DLGAP1: variants seen among roughly 807,000 people sequenced by gnomAD.
DLGAP1 encodes the protein DLG associated protein 1.
A neutral mutation model predicts 90.8 loss-of-function variants in DLGAP1; 11 were observed. That is an observed-to-expected ratio of 0.12 (90% CI 0.08 to 0.20). DLGAP1 has a LOEUF of 0.20. Ranked by LOEUF, DLGAP1 falls within the 10% of genes least tolerant of loss-of-function variation. DLGAP1 has a pLI of 1.00. For synonymous variants in DLGAP1, 558 were observed against 540.7 expected, an observed-to-expected ratio of 1.03 and a Z score of -0.44; for missense variants, 1,050 against 1,333.8, an observed-to-expected ratio of 0.79 and a Z score of 3.31.
intron 2 of DLGAP1, among the ~76,000 whole-genome samples, chr18:4,052,312 C>A (rs1361060509): frequency 6.6e-6 from 1 of 152,194 alleles, no homozygotes; most frequent in African/African-American, 2.4e-5. Context: ...CCAGGCATTT[C>A]CATATGTCCT....
intron 2 of DLGAP1, among the ~76,000 whole-genome samples, chr18:4,099,539 TA>T (rs1009135741): frequency 6.6e-6 from 1 of 152,170 alleles, no homozygotes; most frequent in Non-Finnish European, 1.5e-5. Context: ...GAACCTTAAT[TA>T]AAAATACTTT....
At chr18:4,156,921 G>T (rs552393598) in intron 1 of DLGAP1, among the ~76,000 whole-genome samples, 27 of 152,268 alleles carry the variant, frequency 1.8e-4, no homozygotes, top group African/African-American at 6.3e-4. Context: ...TTTCTGAAAG[G>T]CATGGATGGC....
intron 1 of DLGAP1, chr18:4,293,676 C>T (rs1379894202): frequency 6.6e-6 from 1 of 152,012 alleles, no homozygotes; most frequent in Non-Finnish European, 1.5e-5. Flanking sequence ...ATCTTTATGA[C>T]AAAAAACTTT....
chr18:3,696,712 A>C (rs184871624), intron 7 of DLGAP1, among the ~76,000 whole-genome samples: 113 of 152,266 alleles, frequency 7.4e-4, no homozygotes, highest in South Asian at 1.2e-3. Context: ...CTGGCCTCAT[A>C]AAGTGAGTTA....
chr18:4,106,770 T>C (rs1388907159), intron 2 of DLGAP1, among the ~76,000 whole-genome samples: 1 of 152,204 alleles, frequency 6.6e-6, no homozygotes, highest in Non-Finnish European at 1.5e-5. Context: ...AAGCTTTTAA[T>C]ATCAGAATAA....
chr18:3,517,231 C>G lies in DLGAP1; in HGVS notation c.2480-8570G>C, dbSNP rs1016753238. Among the ~76,000 whole-genome samples, 8 of 152,132 alleles carry G rather than the reference C, an allele frequency of 5.3e-5. No individual in the cohort carries two copies. The highest frequency in any genetic ancestry group is 1.4e-4 in the African/African-American group (6 of 41,438). On this transcript the variant is annotated intron_variant, in intron 10 of 12. Coordinates refer to ENST00000315677, the MANE Select transcript of DLGAP1 (RefSeq NM_004746.4). The surrounding 1 kb of genome is among the most constrained non-coding windows in gnomAD (Gnocchi z 4.1). ...CTTCAAGTCACCAGGTGCCTGAGCC[C>G]CTAACAAGAGAGTGAGCCTGTCCTT...
At chr18:3,912,987 T>A (rs1423674152) in intron 3 of DLGAP1, among the ~76,000 whole-genome samples, 3 of 152,164 alleles carry the variant, frequency 2.0e-5, no homozygotes, top group Non-Finnish European at 4.4e-5. Flanking sequence ...TGAAAAAATG[T>A]TTTCCACAGC....
chr18:4,166,947 T>C (rs2076943341), intron 1 of DLGAP1, among the ~76,000 whole-genome samples: 2 of 152,194 alleles, frequency 1.3e-5, no homozygotes, highest in Non-Finnish European at 2.9e-5. Flanking sequence ...TATCTGAAGA[T>C]AGATAATGTT....
intron 1 of DLGAP1, among the ~76,000 whole-genome samples, chr18:4,261,199 T>G (rs1290046644): frequency 6.6e-6 from 1 of 152,168 alleles, no homozygotes; most frequent in African/African-American, 2.4e-5. Flanking sequence ...AGGGAATAGC[T>G]GCTGTGCCTG....
chr18:4,338,872 GC>G (rs1465769288), intron 1 of DLGAP1, among the ~76,000 whole-genome samples: 2 of 152,026 alleles, frequency 1.3e-5, no homozygotes, highest in African/African-American at 4.8e-5. Context: ...AATGTAAATG[GC>G]CTATTATTAT....
intron 5 of DLGAP1, among the ~76,000 whole-genome samples, chr18:3,747,573 G>C (rs1204223712): frequency 6.6e-6 from 1 of 152,130 alleles, no homozygotes; most frequent in Non-Finnish European, 1.5e-5. Flanking sequence ...ATGTTATCAG[G>C]GCAGTGACGG....
intron 8 of DLGAP1, among the ~76,000 whole-genome samples, chr18:3,568,968 G>A (rs545844608): frequency 6.6e-6 from 1 of 150,824 alleles, no homozygotes; most frequent in East Asian, 2.0e-4. Flanking sequence ...TTACAGCCAT[G>A]AGCCACCACG....
intron 2 of DLGAP1, among the ~76,000 whole-genome samples, chr18:4,053,452 T>C (rs2143126773): frequency 6.6e-6 from 1 of 152,290 alleles, no homozygotes; most frequent in East Asian, 1.9e-4. Flanking sequence ...GTCCCTCCCA[T>C]GACATGTGAA....
chr18:4,077,720 T>A (rs989475042), intron 2 of DLGAP1, among the ~76,000 whole-genome samples: 1 of 152,154 alleles, frequency 6.6e-6, no homozygotes, highest in African/African-American at 2.4e-5. Context: ...ATTAGAATTA[T>A]GGGTAAAATA....
At chr18:4,138,841 T>C (rs188510143) in intron 2 of DLGAP1, among the ~76,000 whole-genome samples, 1,526 of 152,152 alleles carry the variant, frequency 0.01, 13 homozygotes, top group Non-Finnish European at 0.017. Context: ...GTTCAGGTTT[T>C]GAAATTCTTC....
intron 3 of DLGAP1, among the ~76,000 whole-genome samples, chr18:3,974,114 C>T (rs1332653774): frequency 6.6e-6 from 1 of 151,766 alleles, no homozygotes; most frequent in African/African-American, 2.4e-5. Context: ...CTCACTCCCT[C>T]GCCAGGCTGG....
chr18:4,291,432 C>G (rs531724095), intron 1 of DLGAP1, among the ~76,000 whole-genome samples: 3 of 152,230 alleles, frequency 2.0e-5, no homozygotes, highest in Admixed American at 6.5e-5. Context: ...GTTTATAGAA[C>G]TTTCCACAAC....
chr18:4,166,606 T>C (rs1167939045), intron 1 of DLGAP1, among the ~76,000 whole-genome samples: 1 of 152,318 alleles, frequency 6.6e-6, no homozygotes, highest in Admixed American at 6.5e-5. Context: ...TATACTACTG[T>C]TCACAGCAGC....
chr18:3,825,719 C>T (rs577437817), intron 4 of DLGAP1, among the ~76,000 whole-genome samples: 1 of 152,250 alleles, frequency 6.6e-6, no homozygotes, highest in Non-Finnish European at 1.5e-5. Context: ...AAAAAAATCT[C>T]CGTTCCTCAA....
Sources: gnomAD v4.1 joint callset for allele counts (sites outside exome capture counted in the v4.1 genomes callset) on GRCh38, gnomAD v4.1.1 for gene constraint, Gnocchi (gnomAD v3.1) non-coding constraint, MANE v1.5 for transcripts, NCBI Gene and HGNC (gene_info 2026-07-23, HGNC 2026-07-21) for gene names.